Variants in HDAC8 observed in about 807,000 individuals in gnomAD.
HDAC8 encodes the protein histone deacetylase 8.
In HDAC8, 1 loss-of-function variant was observed where a neutral mutation model predicts 32.2. The observed-to-expected ratio is 0.03, with a 90% confidence interval of 0.01 to 0.15. The LOEUF (loss-of-function observed/expected upper bound fraction) is 0.15. Among genes scored for constraint, HDAC8 ranks in the 10% least tolerant of loss-of-function variants. The pLI, the probability that HDAC8 is intolerant of heterozygous loss-of-function variation, is 1.00. For missense variants in HDAC8, 117 were observed against 300.0 expected (o/e 0.39, Z 4.51); for synonymous variants, 108 against 113.9 (o/e 0.95, Z 0.33).
At chrX:72,489,445 C>T (rs983002453) in intron 6 of HDAC8, among the ~76,000 whole-genome samples, 1 of 111,070 alleles carries the variant, frequency 9.0e-6, no homozygotes, top group Non-Finnish European at 1.9e-5. Context: ...GTTATTGTCA[C>T]CTGAGGTGAC....
intron 9 of HDAC8, among the ~76,000 whole-genome samples, chrX:72,430,212 G>T (rs2046772620): frequency 9.0e-6 from 1 of 111,463 alleles, no homozygotes; most frequent in Non-Finnish European, 1.9e-5. Context: ...CTTGGCGTAG[G>T]CTCCGGATTT....
chrX:72,560,092 G>A (rs1198494207), intron 4 of HDAC8, among the ~76,000 whole-genome samples: 2 of 112,947 alleles, frequency 1.8e-5, no homozygotes, highest in African/African-American at 6.4e-5. Flanking sequence ...AACGGGCCAT[G>A]ATGACGATGG....
intron 4 of HDAC8, among the ~76,000 whole-genome samples, chrX:72,554,887 G>T (rs2051229740): frequency 8.9e-6 from 1 of 112,275 alleles, no homozygotes; most frequent in Non-Finnish European, 1.9e-5. Context: ...GGTGTCCCCA[G>T]GGCAAGTTTG....
At position 72,468,863 on chromosome X, in the gene HDAC8, G is replaced by A. The variant is rs1308040430; in HGVS notation, c.738-4132C>T. The stretch of plus-strand genomic sequence containing the variant: ...ATTGAATGCCTGTTATAGGTACTAC[G>A]TTGGGCAATGGGTTCACAGTATTGA... On this transcript the variant is annotated intron_variant, in intron 7 of 10. Transcript: ENST00000373573. Among the ~76,000 whole-genome samples the A allele has an allele frequency of 6.3e-5, 7 of 111,869 alleles. No individual in the cohort carries two copies. The East Asian group carries it at 1.4e-3, about 22-fold the overall frequency.
chrX:72,567,669 A>G (rs968544631), intron 4 of HDAC8: 9 of 1,108,647 alleles, frequency 8.1e-6, no homozygotes, highest in Admixed American at 6.7e-5. Context: ...AGTTAGAAAA[A>G]CTAGGTGTAG....
intron 7 of HDAC8, among the ~76,000 whole-genome samples, chrX:72,478,790 G>A (rs1328681382): frequency 1.8e-5 from 2 of 108,646 alleles, no homozygotes; most frequent in African/African-American, 6.7e-5. Flanking sequence ...CCAAGTAGCT[G>A]GGACTACAGG....
rs143003957 is a variant in HDAC8, at chrX:72,344,967, A to T, written c.1111+6766T>A. ...GTGGATATGAACTAGTCAGCCTGAAATTCAAGGGAGCCTGCAATCGGCCCC... is the reference window on the plus strand; with the variant it reads ...GTGGATATGAACTAGTCAGCCTGAATTTCAAGGGAGCCTGCAATCGGCCCC... On this transcript the variant is annotated intron_variant, in intron 10 of 10. Transcript: ENST00000373573. Among the ~76,000 whole-genome samples, 878 of 111,752 alleles carry T rather than the reference A, an allele frequency of 7.9e-3. 38 individuals carry two copies. The highest frequency in any genetic ancestry group is 0.074 in the Admixed American group (772 of 10,466).
chrX:72,397,318 G>A (rs1555965889), intron 9 of HDAC8, among the ~76,000 whole-genome samples: 3 of 111,607 alleles, frequency 2.7e-5, no homozygotes. Flanking sequence ...GATTTTAAAT[G>A]TTTTCCATTA....
intron 4 of HDAC8, among the ~76,000 whole-genome samples, chrX:72,559,563 G>A (rs1224957219): frequency 9.4e-6 from 1 of 106,900 alleles, no homozygotes; most frequent in African/African-American, 3.4e-5. Context: ...CCTCTGCCCC[G>A]CCGCCCAGTC....
At chrX:72,530,026 A>G (rs1001972055) in intron 4 of HDAC8, among the ~76,000 whole-genome samples, 1 of 112,427 alleles carries the variant, frequency 8.9e-6, no homozygotes, top group Non-Finnish European at 1.9e-5. Context: ...TGCCTCCTCT[A>G]CAGCCTCTAG....
chrX:72,510,120 G>A (rs1254107366), intron 4 of HDAC8, among the ~76,000 whole-genome samples: 1 of 111,810 alleles, frequency 8.9e-6, no homozygotes, highest in East Asian at 2.8e-4. Context: ...AAGTAAATGA[G>A]CCAGCGTCAA....
Position 72,567,162 on chromosome X carries a change from TAAAC to T in HDAC8, c.437+723_437+726del, listed in dbSNP as rs1427445630. On this transcript the variant is annotated intron_variant, in intron 4 of 10. Coordinates refer to ENST00000373573, the MANE Select transcript of HDAC8 (RefSeq NM_018486.3). ...TCTGTCTCAAAAACAAACAAACAAA[TAAAC>T]AAACAAACACTCCAAAGGACTTCTC... Among the ~76,000 whole-genome samples, 5 of 111,006 alleles carry T rather than the reference TAAAC, an allele frequency of 4.5e-5. No individual in the cohort carries two copies. The East Asian group carries it at 1.1e-3, about 25-fold the overall frequency.
At chrX:72,332,792 C>T (rs1291487991) in intron 10 of HDAC8, among the ~76,000 whole-genome samples, 2 of 110,813 alleles carry the variant, frequency 1.8e-5, no homozygotes, top group South Asian at 3.8e-4. Context: ...GCTGGGATTA[C>T]AGGCATGTGC....
chrX:72,571,659 G>C (rs1603245110), intron 2 of HDAC8, among the ~76,000 whole-genome samples: 4 of 101,539 alleles, frequency 3.9e-5, no homozygotes, highest in Admixed American at 3.3e-4. Flanking sequence ...CTTCACCTCC[G>C]GGGTTCAAGC....
intron 9 of HDAC8, among the ~76,000 whole-genome samples, chrX:72,385,187 G>A (rs1490429975): frequency 8.9e-6 from 1 of 111,817 alleles, no homozygotes; most frequent in Non-Finnish European, 1.9e-5. Context: ...GAAAAGGCTG[G>A]GTGCAGTGGC....
chrX:72,373,114 C>T (rs996673526), intron 9 of HDAC8, among the ~76,000 whole-genome samples: 3 of 112,054 alleles, frequency 2.7e-5, no homozygotes, highest in African/African-American at 6.5e-5. Flanking sequence ...GGTCATAGAG[C>T]TCATAAGTTG....
intron 4 of HDAC8, among the ~76,000 whole-genome samples, chrX:72,524,408 T>C (rs1178968801): frequency 1.8e-5 from 2 of 111,776 alleles, no homozygotes; most frequent in African/African-American, 6.5e-5. Flanking sequence ...CTTATACCCA[T>C]GGCAGACATT....
At chrX:72,337,504 T>TA (rs1292667135) in intron 10 of HDAC8, among the ~76,000 whole-genome samples, 2 of 111,009 alleles carry the variant, frequency 1.8e-5, no homozygotes, top group East Asian at 5.7e-4. Flanking sequence ...CTTTTCAATC[T>TA]ATTAGCAAGT....
rs535637013 is a variant in HDAC8, at chrX:72,432,144, A to AT, written c.1005+29859dup. ...TACCACCTCACCCAATTAATTTTTT[A>AT]TTTTTTTTTTGTGGAGACAGGGTCT... On this transcript the variant is annotated intron_variant, in intron 9 of 10. Transcript: ENST00000373573. Among the ~76,000 whole-genome samples the AT allele has an allele frequency of 4.7e-4, 50 of 105,606 alleles. 1 individual carries two copies. The highest frequency in any genetic ancestry group is 4.8e-3 in the Middle Eastern group (1 of 207). 91.7% of individuals were successfully genotyped at this position (105,606 alleles called of 115,157 possible).
Sources: gnomAD v4.1 joint callset for allele counts (sites outside exome capture counted in the v4.1 genomes callset) on GRCh38, gnomAD v4.1.1 for gene constraint, MANE v1.5 for transcripts, NCBI Gene and HGNC (gene_info 2026-07-23, HGNC 2026-07-21) for gene names.